The following PDE1A variants were observed in gnomAD, a reference collection of about 807,000 sequenced individuals.
PDE1A encodes the protein phosphodiesterase 1A, also known as dual specificity calcium/calmodulin-dependent 3',5'-cyclic nucleotide phosphodiesterase 1A.
In PDE1A, 35 loss-of-function variants were observed where a neutral mutation model predicts 61.7. That is an observed-to-expected ratio of 0.57 (90% CI 0.43 to 0.75). PDE1A has a LOEUF of 0.75. Among genes scored for constraint, PDE1A ranks in the 30% least tolerant of loss-of-function variants. The probability of loss-of-function intolerance (pLI) is 0.00; values close to 1 mark genes in which losing one functional copy is unlikely to be tolerated. For missense variants in PDE1A, 597 were observed against 630.6 expected, an observed-to-expected ratio of 0.95 and a Z score of 0.57; for synonymous variants, 232 against 213.2, an observed-to-expected ratio of 1.09 and a Z score of -0.77.
intron 7 of PDE1A, among the ~76,000 whole-genome samples, chr2:182,215,065 C>G (rs1574735247): frequency 8.4e-5 from 7 of 83,748 alleles, no homozygotes; most frequent in Admixed American, 1.5e-4. Context: ...AACAAACTAT[C>G]TCTCAGACCA....
chr2:182,210,120 T>G (rs1006622632), intron 7 of PDE1A, among the ~76,000 whole-genome samples: 12 of 152,208 alleles, frequency 7.9e-5, no homozygotes, highest in Non-Finnish European at 1.6e-4. Context: ...CTATAAGTTT[T>G]TGTGTGAATG....
At chr2:182,631,651 A>G in the PDE1A span, among the ~76,000 whole-genome samples, 3 of 152,262 alleles carry the variant, frequency 2.0e-5, no homozygotes, top group Non-Finnish European at 2.9e-5. Context: ...CTTTCATATG[A>G]TAGGATACTA....
At chr2:182,363,174 C>T (rs1191643906) in intron 1 of PDE1A, among the ~76,000 whole-genome samples, 1 of 151,872 alleles carries the variant, frequency 6.6e-6, no homozygotes, top group Admixed American at 6.6e-5. Flanking sequence ...CACCCGTTTA[C>T]CTATATAACA....
chr2:182,422,247 C>A (rs1703327804), intron 1 of PDE1A, among the ~76,000 whole-genome samples: 1 of 152,106 alleles, frequency 6.6e-6, no homozygotes, highest in African/African-American at 2.4e-5. Flanking sequence ...CACTTCTGAA[C>A]CATGAAAGAG....
intron 7 of PDE1A, among the ~76,000 whole-genome samples, chr2:182,212,825 C>T (rs915093063): frequency 6.6e-6 from 1 of 152,220 alleles, no homozygotes; most frequent in African/African-American, 2.4e-5. Context: ...TGCAAGGCGG[C>T]AGGGAGGCCA....
At chr2:182,206,498 T>G (rs1687114638) in intron 7 of PDE1A, among the ~76,000 whole-genome samples, 1 of 152,228 alleles carries the variant, frequency 6.6e-6, no homozygotes, top group Admixed American at 6.5e-5. Flanking sequence ...ATGTATCTAC[T>G]ATTATAGTAC....
rs377657574 is a variant in PDE1A at position 182,191,841 on chromosome 2, ACTTT to A, written c.1126-2785_1126-2782del. 4.0e-3 allele frequency among the ~76,000 whole-genome samples: 526 copies of A among 132,374 alleles called. 4 individuals carry two copies. Among genetic ancestry groups the A allele is most frequent in the African/African-American group, 0.013 (510 of 40,430 alleles). The allele number at this position is 132,374 out of a possible 152,430, so 86.8% of individuals were successfully genotyped here. Reference sequence around the variant, plus strand: ...CCTGAGAAAGGCATTATGATGATTTACTTTCTTTTTTTTTTTATTTTTTTATTTT... The same window carrying A: ...CCTGAGAAAGGCATTATGATGATTTACTTTTTTTTTTTATTTTTTTATTTT... On this transcript the variant is annotated intron_variant, in intron 10 of 13. Transcript: ENST00000351439.
the PDE1A span, among the ~76,000 whole-genome samples, chr2:182,646,512 A>G: frequency 6.6e-6 from 1 of 151,958 alleles, no homozygotes; most frequent in Admixed American, 6.6e-5. Flanking sequence ...ACACAGTGAA[A>G]TCATGTCTCT....
intron 2 of PDE1A, among the ~76,000 whole-genome samples, chr2:182,249,101 C>T (rs1691204776): frequency 6.6e-6 from 1 of 152,220 alleles, no homozygotes; most frequent in Non-Finnish European, 1.5e-5. Flanking sequence ...CAGCAACCTG[C>T]AGCTCCACTC....
chr2:182,265,901 C>A (rs899858062), intron 1 of PDE1A, among the ~76,000 whole-genome samples: 4 of 152,126 alleles, frequency 2.6e-5, no homozygotes, highest in African/African-American at 9.7e-5. Context: ...ATTGCGGCTA[C>A]TTTTAGGCAC....
intron 2 of PDE1A, among the ~76,000 whole-genome samples, chr2:182,517,897 C>T (rs1690309563): frequency 6.6e-6 from 1 of 152,124 alleles, no homozygotes; most frequent in African/African-American, 2.4e-5. Flanking sequence ...TCGTATAGAA[C>T]AAGAGCAAAC....
At chr2:182,646,644 A>T in the PDE1A span, among the ~76,000 whole-genome samples, 2 of 152,010 alleles carry the variant, frequency 1.3e-5, no homozygotes, top group African/African-American at 4.8e-5. Context: ...AGATCGCGCC[A>T]CTGCACTCCA....
chr2:182,152,528 C>T (rs930945872), intron 13 of PDE1A, among the ~76,000 whole-genome samples: 2 of 146,066 alleles, frequency 1.4e-5, no homozygotes, highest in African/African-American at 2.6e-5. Flanking sequence ...TCAAGTGATT[C>T]TCCTGCCTCA....
At chr2:182,612,689 G>A in the PDE1A span, among the ~76,000 whole-genome samples, 1 of 152,068 alleles carries the variant, frequency 6.6e-6, no homozygotes, top group African/African-American at 2.4e-5. Flanking sequence ...CTATAAAGAT[G>A]GGGAAAAGCA....
At chr2:182,452,477 A>G (rs1050458821) in intron 2 of PDE1A, among the ~76,000 whole-genome samples, 3 of 152,098 alleles carry the variant, frequency 2.0e-5, no homozygotes, top group African/African-American at 4.8e-5. Context: ...TCATTTGCAT[A>G]TGTCCTTGAA....
intron 2 of PDE1A, among the ~76,000 whole-genome samples, chr2:182,516,769 GAAAGAAAGAAAGAA>G (rs1333511248): frequency 5.0e-5 from 6 of 118,966 alleles, no homozygotes; most frequent in Non-Finnish European, 8.7e-5. Context: ...GAAAAAGAAA[GAAAGAAAGAAAGAA>G]AAAGAAAGAA....
chr2:182,217,798 G>C (rs906677161), intron 7 of PDE1A, among the ~76,000 whole-genome samples: 7 of 150,538 alleles, frequency 4.6e-5, no homozygotes, highest in African/African-American at 1.7e-4. Flanking sequence ...TGGAGAAATA[G>C]GAACACTTTT....
At chr2:182,148,125 G>T (rs72895040) in intron 13 of PDE1A, among the ~76,000 whole-genome samples, 39,465 of 152,100 alleles carry the variant, frequency 0.26, 6,251 homozygotes, top group Non-Finnish European at 0.34. Context: ...CATTCTTAGA[G>T]AACTAAAAAC....
At chr2:182,306,959 C>T (rs1315359960) in intron 1 of PDE1A, among the ~76,000 whole-genome samples, 7 of 152,102 alleles carry the variant, frequency 4.6e-5, no homozygotes, top group Admixed American at 1.3e-4. Flanking sequence ...GGGATTACAT[C>T]AAACTAAAAA....
Sources: gnomAD v4.1 joint callset for allele counts (sites outside exome capture counted in the v4.1 genomes callset) on GRCh38, gnomAD v4.1.1 for gene constraint, MANE v1.5 for transcripts, NCBI Gene and HGNC (gene_info 2026-07-23, HGNC 2026-07-21) for gene names.